Variants in DNAJC13 observed in about 807,000 individuals in gnomAD.
The protein encoded by DNAJC13 is DnaJ heat shock protein family (Hsp40) member C13, also known as dnaJ homolog subfamily C member 13.
DNAJC13 carries 75 observed loss-of-function variants against 290.5 expected under a neutral mutation model. That is an observed-to-expected ratio of 0.26 (90% CI 0.21 to 0.31). The LOEUF is 0.31. Ranked by LOEUF, DNAJC13 falls within the 10% of genes least tolerant of loss-of-function variation. DNAJC13 has a pLI of 1.00. For synonymous variants in DNAJC13, 862 were observed against 892.0 expected (o/e 0.97, Z 0.60); for missense variants, 2,260 against 2,674.5 (o/e 0.85, Z 3.42).
At position 132,463,632 on chromosome 3, in the gene DNAJC13, T is replaced by C. The variant is rs578032477; in HGVS notation, c.1771-64T>C. 15 of 1,519,508 alleles carry C rather than the reference T, an allele frequency of 9.9e-6. No homozygotes were observed. In the Admixed American group the frequency reaches 2.9e-4, roughly 29 times the overall value. The allele number at this position is 1,519,508 out of a possible 1,614,324, so 94.1% of individuals were successfully genotyped here. A position where few individuals can be genotyped will look rare whatever the true frequency, so the allele number is the denominator to read the frequency against. Reference sequence around the variant, plus strand: ...TCATTTAAATATGTAAAATTAGTTTTTTAAAGTTTGGATAGCTTGTCCTGG... The same window carrying C: ...TCATTTAAATATGTAAAATTAGTTTCTTAAAGTTTGGATAGCTTGTCCTGG... On this transcript the variant is annotated intron_variant, in intron 16 of 55. Coordinates refer to ENST00000260818, the MANE Select transcript of DNAJC13 (RefSeq NM_015268.4).
At chr3:132,455,458 T>C (rs1933566960) in intron 9 of DNAJC13, among the ~76,000 whole-genome samples, 2 of 152,190 alleles carry the variant, frequency 1.3e-5, no homozygotes, top group Non-Finnish European at 2.9e-5. Flanking sequence ...AACACATACT[T>C]ATATGGTCTA....
intron 14 of DNAJC13, 133 bp from the exon 15 acceptor site, chr3:132,460,917 C>A (rs147868685): frequency 1.2e-6 from 1 of 820,288 alleles, no homozygotes; most frequent in Non-Finnish European, 1.9e-6. Flanking sequence ...CAACTTTGAA[C>A]CTCATGTTGA....
At chr3:132,481,347 G>A (rs147583047) in intron 26 of DNAJC13, among the ~76,000 whole-genome samples, 2 of 152,138 alleles carry the variant, frequency 1.3e-5, no homozygotes, top group African/African-American at 2.4e-5. Context: ...CAGCACTTTG[G>A]GGGGCTGAGG....
intron 2 of DNAJC13, among the ~76,000 whole-genome samples, chr3:132,435,167 G>A (rs2107650344): frequency 6.6e-6 from 1 of 152,272 alleles, no homozygotes; most frequent in South Asian, 2.1e-4. Context: ...AAGATGGTTG[G>A]TAATTCCTAC....
chr3:132,519,623 T>C (rs1303685374), intron 48 of DNAJC13, among the ~76,000 whole-genome samples: 2 of 152,188 alleles, frequency 1.3e-5, no homozygotes, highest in African/African-American at 2.4e-5. Flanking sequence ...GTTTATTTTT[T>C]GTTTGGCTTG....
At chr3:132,456,984 G>T (rs1311417474) in intron 12 of DNAJC13, 152 bp downstream of exon 12, 4 of 943,362 alleles carry the variant, frequency 4.2e-6, no homozygotes, top group Admixed American at 3.0e-5. Context: ...AAAAAGGAAG[G>T]TGAGGGCAGC....
chr3:132,528,851 G>C (rs551603284), intron 54 of DNAJC13, among the ~76,000 whole-genome samples: 1 of 151,690 alleles, frequency 6.6e-6, no homozygotes, highest in East Asian at 1.9e-4. Context: ...CTTCAGGCCT[G>C]TTCAGTAATT....
chr3:132,477,766 G>GCAAAC lies in DNAJC13; in HGVS notation c.2446-23_2446-22insCAAAC, dbSNP rs770994013. 1.4e-5 allele frequency: 22 copies of GCAAAC among 1,550,186 alleles called. No individual in the cohort carries two copies. In the East Asian group the frequency reaches 4.9e-4, roughly 35 times the overall value. ...AAAATCTATTGTAAACTAAAATAGT[G>GCAAAC]TAATTTGCTTTTGTTTATGAAGGTT... On this transcript the variant is annotated intron_variant, in intron 22 of 55. Transcript: ENST00000260818.
chr3:132,527,527 C>T (rs1161847866), intron 53 of DNAJC13, among the ~76,000 whole-genome samples: 1 of 152,168 alleles, frequency 6.6e-6, no homozygotes, highest in East Asian at 1.9e-4. Flanking sequence ...GGTACTACCA[C>T]TTGTTGGCTC....
chr3:132,462,566 A>G (rs1933834235), intron 16 of DNAJC13, 43 bp downstream of exon 16: 14 of 1,436,288 alleles, frequency 9.7e-6, no homozygotes, highest in Non-Finnish European at 1.3e-5. Context: ...TTGAATGTTG[A>G]TAGGCTGTTT....
chr3:132,422,590 G>A (rs977683823), intron 1 of DNAJC13, among the ~76,000 whole-genome samples: 3 of 152,196 alleles, frequency 2.0e-5, no homozygotes, highest in Admixed American at 6.5e-5. Flanking sequence ...GTTATGTGGA[G>A]TGATTCTTAA....
chr3:132,538,036 A>G (rs954767362), intron 55 of DNAJC13, 140 bp from the exon 56 acceptor site: 1 of 621,394 alleles, frequency 1.6e-6, no homozygotes, highest in Non-Finnish European at 2.8e-6. Flanking sequence ...TTATTAAGGT[A>G]TAGATGTAAT....
chr3:132,465,899 A>AT, intron 17 of DNAJC13, 96 bp from the exon 18 acceptor site: 1 of 734,886 alleles, frequency 1.4e-6, no homozygotes, highest in Non-Finnish European at 2.2e-6. Context: ...CTGTAGCCGT[A>AT]TTTTTTATAA....
chr3:132,526,347 T>C, intron 53 of DNAJC13, 66 bp downstream of exon 53: 4 of 1,589,126 alleles, frequency 2.5e-6, no homozygotes, highest in Non-Finnish European at 3.4e-6. Context: ...TTTTTACCTA[T>C]TTGGTACTGA....
At chr3:132,526,517 C>A (rs1936261908) in intron 53 of DNAJC13, among the ~76,000 whole-genome samples, 2 of 151,976 alleles carry the variant, frequency 1.3e-5, no homozygotes, top group Non-Finnish European at 2.9e-5. Flanking sequence ...TACACACACA[C>A]AAAAATGGGG....
intron 46 of DNAJC13, 80 bp downstream of exon 46, chr3:132,514,750 C>T: frequency 1.0e-6 from 1 of 986,536 alleles, no homozygotes; most frequent in Non-Finnish European, 1.6e-6. Flanking sequence ...GATACAAAAC[C>T]TCAAACAAAT....
intron 38 of DNAJC13, 127 bp from the exon 39 acceptor site, chr3:132,500,667 A>C: frequency 7.8e-7 from 1 of 1,276,606 alleles, no homozygotes; most frequent in Non-Finnish European, 1.1e-6. Context: ...CATTCTGTTT[A>C]ATTTTGGAAC....
chr3:132,440,344 T>C (rs1302523970), intron 2 of DNAJC13, among the ~76,000 whole-genome samples: 1 of 152,250 alleles, frequency 6.6e-6, no homozygotes, highest in Non-Finnish European at 1.5e-5. Context: ...GATTCCCCAC[T>C]CTCCGTTAGT....
chr3:132,514,255 G>A (rs1030749230), intron 45 of DNAJC13, among the ~76,000 whole-genome samples: 2 of 152,050 alleles, frequency 1.3e-5, no homozygotes, highest in Non-Finnish European at 2.9e-5. Context: ...TCCTCTAAAA[G>A]TAAGAGTCCC....
Sources: gnomAD v4.1 joint callset for allele counts (sites outside exome capture counted in the v4.1 genomes callset) on GRCh38, gnomAD v4.1.1 for gene constraint, MANE v1.5 for transcripts, NCBI Gene and HGNC (gene_info 2026-07-23, HGNC 2026-07-21) for gene names.